The following ZNF254 variants were observed in gnomAD, a reference collection of about 807,000 sequenced individuals.
The protein encoded by ZNF254 is zinc finger protein 254.
A neutral mutation model predicts 12.4 loss-of-function variants in ZNF254; 10 were observed. The observed-to-expected ratio is 0.80, with a 90% CI of 0.50 to 1.36. The LOEUF is 1.36. Among genes scored for constraint, ZNF254 ranks in the 40% most tolerant of loss-of-function variants. The pLI is 0.00. For missense variants in ZNF254, 996 were observed against 763.9 expected (o/e 1.30, Z -3.58); for synonymous variants, 305 against 253.4 (o/e 1.20, Z -1.93).
chr19:24,115,144 A>G (rs1346389269), intron 3 of ZNF254, among the ~76,000 whole-genome samples: 52 of 152,132 alleles, frequency 3.4e-4, no homozygotes, highest in Non-Finnish European at 1.5e-5. Context: ...AGAACTAGAA[A>G]TACCATTTGA....
At chr19:24,054,987 G>T (rs1017914116) in intron 2 of ZNF254, among the ~76,000 whole-genome samples, 19 of 151,636 alleles carry the variant, frequency 1.3e-4, no homozygotes, top group African/African-American at 4.4e-4. Flanking sequence ...GGTGAAACGA[G>T]GTCAGGAGTT....
upstream of ZNF254, among the ~76,000 whole-genome samples, chr19:24,083,562 T>C (rs1971924212): frequency 6.6e-6 from 1 of 152,002 alleles, no homozygotes; most frequent in Admixed American, 6.6e-5. Flanking sequence ...GACCTGAAAC[T>C]ATAAAAATTG....
chr19:24,116,201 T>G (rs1356485365), intron 3 of ZNF254, among the ~76,000 whole-genome samples: 1 of 151,412 alleles, frequency 6.6e-6, no homozygotes, highest in Non-Finnish European at 1.5e-5. Flanking sequence ...GAGAAGTATC[T>G]TTGTGGCGTT....
chr19:24,112,776 C>T lies in ZNF254; in HGVS notation c.253+6133C>T, dbSNP rs1455799337. Among the ~76,000 whole-genome samples, 11 of 151,876 alleles carry T rather than the reference C, an allele frequency of 7.2e-5. No individual in the cohort carries two copies. In the South Asian group the frequency reaches 2.1e-3, roughly 29 times the overall value. On this transcript the variant is annotated intron_variant, in intron 3 of 3. Transcript: ENST00000357002. ...TGAAAGGATCAACAAAATTGATAGA[C>T]CACTAGCAAGACTAATAAAGAAAAA...
Position 24,126,344 on chromosome 19 carries a change from AT to A in ZNF254, c.345del (p.Tyr115Ter), listed in dbSNP as rs774387129. On this transcript the variant is annotated frameshift_variant, in exon 4 of 4. Coordinates refer to ENST00000357002, the MANE Select transcript of ZNF254 (RefSeq NM_203282.4). LOFTEE classifies it low-confidence loss of function (END_TRUNC). ...QKAILRRYGK[Y>X]GHENLQLRKG... ...GCAATACTGAGAAGATATGGAAAAT[AT>A]GGACATGAGAATTTACAGTTAAGAA... The A allele has an allele frequency of 2.1e-5, 33 of 1,608,842 alleles. No homozygotes were observed. The Admixed American group carries it at 3.9e-4, about 19-fold the overall frequency.
At chr19:24,084,434 G>T (rs983807396), upstream of ZNF254, among the ~76,000 whole-genome samples, 5 of 151,900 alleles carry the variant, frequency 3.3e-5, no homozygotes, top group African/African-American at 1.2e-4. Flanking sequence ...ACGGATAAAA[G>T]ACTACATATT....
At chr19:24,096,940 A>C (rs1487292490) in intron 1 of ZNF254, among the ~76,000 whole-genome samples, 1 of 152,228 alleles carries the variant, frequency 6.6e-6, no homozygotes, top group Admixed American at 6.5e-5. Flanking sequence ...GTTCAAGCAC[A>C]TGTGATGGAC....
intron 3 of ZNF254, among the ~76,000 whole-genome samples, chr19:24,107,782 TA>T (rs1973435102): frequency 6.6e-6 from 1 of 152,192 alleles, no homozygotes; most frequent in Non-Finnish European, 1.5e-5. Flanking sequence ...CAAGTTTCTA[TA>T]AACTGGTTTC....
intron 2 of ZNF254, among the ~76,000 whole-genome samples, chr19:24,058,416 T>TC (rs1415573758): frequency 6.6e-6 from 1 of 150,690 alleles, no homozygotes; most frequent in African/African-American, 2.4e-5. Flanking sequence ...TTTCTTTCTT[T>TC]TTTTTTTTTT....
In ZNF254 at chr19:24,127,265, C is replaced by T. The variant is rs754848782; in HGVS notation, c.1265C>T (p.Thr422Ile). 4 of 1,613,428 alleles carry T rather than the reference C, an allele frequency of 2.5e-6. No individual in the cohort carries two copies. The highest frequency in any genetic ancestry group is 2.2e-5 in the South Asian group (2 of 91,044). The change falls in exon 4 of 4, where the codon ACT becomes ATT. Residue 422 changes from threonine to isoleucine, a missense_variant. Physicochemically the swap from Thr to Ile is moderately conservative, Grantham distance 89 (BLOSUM62 -1). Transcript: ENST00000357002. The part of the protein sequence containing the change: ...GKGFNRSSNL[T>I]THKIIHTGEK... The stretch of plus-strand genomic sequence containing the variant: ...GGTTTTAATCGATCTTCAAATCTTA[C>T]TACACATAAGATAATTCATACTGGA...
chr19:24,088,941 G>A (rs955946006), intron 1 of ZNF254, among the ~76,000 whole-genome samples: 2 of 148,398 alleles, frequency 1.3e-5, no homozygotes, highest in Non-Finnish European at 3.0e-5. Context: ...ACAGACGTGA[G>A]CCATCTCGCC....
chr19:24,101,464 A>C (rs1171692245), intron 1 of ZNF254, among the ~76,000 whole-genome samples: 1 of 152,186 alleles, frequency 6.6e-6, no homozygotes, highest in African/African-American at 2.4e-5. Flanking sequence ...CAGTTATGTG[A>C]GAGGCTCCAG....
At chr19:24,112,640 T>A (rs1973760625) in intron 3 of ZNF254, among the ~76,000 whole-genome samples, 1 of 151,890 alleles carries the variant, frequency 6.6e-6, no homozygotes, top group Non-Finnish European at 1.5e-5. Context: ...CAGTGGTTTG[T>A]AGTTCTCCTT....
intron 1 of ZNF254, 90 bp downstream of exon 1, chr19:24,087,427 C>T (rs898373759): frequency 1.7e-5 from 26 of 1,532,398 alleles, no homozygotes; most frequent in East Asian, 6.8e-5. Context: ...GGCCTCCCCC[C>T]AGTCAGCTCC....
chr19:24,113,240 T>C (rs1343383800), intron 3 of ZNF254, among the ~76,000 whole-genome samples: 1 of 152,126 alleles, frequency 6.6e-6, no homozygotes, highest in Non-Finnish European at 1.5e-5. Context: ...AAAGAGAATT[T>C]TAGACCAATA....
chr19:24,069,254 C>T (rs914166749), intron 2 of ZNF254, among the ~76,000 whole-genome samples: 8 of 147,700 alleles, frequency 5.4e-5, no homozygotes, highest in African/African-American at 1.7e-4. Flanking sequence ...GATCTGCCCA[C>T]CTTGGCCTCC....
Position 24,117,995 on chromosome 19 carries a change from A to G in ZNF254, c.254-8259A>G, listed in dbSNP as rs2145926138. On this transcript the variant is annotated intron_variant, in intron 3 of 3. Coordinates refer to ENST00000357002, the MANE Select transcript of ZNF254 (RefSeq NM_203282.4). ...ATTTGAAGTACATTTATAACATAAT[A>G]AAATAGTATGTGCATCCTTGTTTTC... Among the ~76,000 whole-genome samples, 2 of 152,052 alleles carry G rather than the reference A, an allele frequency of 1.3e-5. 1 individual carries two copies. Among genetic ancestry groups the G allele is most frequent in the South Asian group, 4.1e-4 (2 of 4,824 alleles).
upstream of ZNF254, among the ~76,000 whole-genome samples, chr19:24,087,005 C>T (rs1268579371): frequency 6.6e-6 from 1 of 152,164 alleles, no homozygotes; most frequent in East Asian, 1.9e-4. Context: ...GAAGCCCTGC[C>T]CGATAAGGCT....
intron 2 of ZNF254, among the ~76,000 whole-genome samples, chr19:24,052,588 A>T (rs1282802900): frequency 6.6e-6 from 1 of 152,126 alleles, no homozygotes; most frequent in South Asian, 2.1e-4. Context: ...TCATTGTAAC[A>T]TGTCACTGGG....
Sources: allele counts gnomAD v4.1 joint callset (sites outside exome capture counted in the v4.1 genomes callset), GRCh38; gene constraint gnomAD v4.1.1; transcripts MANE v1.5; gene names NCBI Gene and HGNC (gene_info 2026-07-23, HGNC 2026-07-21).